DNAH6: variants seen among roughly 807,000 people sequenced by gnomAD.
DNAH6 encodes axonemal beta dynein heavy chain 6.
DNAH6 carries 340 observed loss-of-function variants against 491.4 expected under a neutral mutation model. That is an observed-to-expected ratio of 0.69 (90% CI 0.63 to 0.76). The LOEUF (loss-of-function observed/expected upper bound fraction) is 0.76, where lower values mean the gene tolerates loss of function less well. Ranked by LOEUF, DNAH6 falls within the 30% of genes least tolerant of loss-of-function variation. DNAH6 has a pLI of 0.00. For synonymous variants in DNAH6, 1,603 were observed against 1,686.1 expected, an observed-to-expected ratio of 0.95 and a Z score of 1.21; for missense variants, 4,443 against 4,972.2, an observed-to-expected ratio of 0.89 and a Z score of 3.20.
chr2:84,792,424 G>A (rs1017528809), intron 68 of DNAH6, among the ~76,000 whole-genome samples: 8 of 152,154 alleles, frequency 5.3e-5, no homozygotes, highest in Non-Finnish European at 1.2e-4. Flanking sequence ...AGAAATTGTC[G>A]GAGGTCATGG....
At chr2:84,700,964 A>C (rs1322836962) in intron 48 of DNAH6, 133 bp from the exon 49 acceptor site, 4 of 1,020,156 alleles carry the variant, frequency 3.9e-6, no homozygotes, top group Non-Finnish European at 5.6e-6. Context: ...CACCATAGAC[A>C]TGAGTAGGAG....
At chr2:84,546,701 G>A (rs1470112015) in intron 5 of DNAH6, among the ~76,000 whole-genome samples, 1 of 152,140 alleles carries the variant, frequency 6.6e-6, no homozygotes, top group Non-Finnish European at 1.5e-5. Flanking sequence ...GCTGCTATGA[G>A]CATGCATGTA....
intron 14 of DNAH6, among the ~76,000 whole-genome samples, chr2:84,583,004 A>G (rs1362438741): frequency 6.6e-6 from 1 of 152,220 alleles, no homozygotes; most frequent in African/African-American, 2.4e-5. Flanking sequence ...GCCAAGTAGT[A>G]CGAACATGGC....
upstream of DNAH6, among the ~76,000 whole-genome samples, chr2:84,511,506 AC>A (rs1675328582): frequency 1.3e-5 from 2 of 150,562 alleles, no homozygotes; most frequent in South Asian, 4.2e-4. Context: ...GAATTCCCTG[AC>A]CCCTTGTGCT....
At chr2:84,787,415 T>G in intron 68 of DNAH6, 113 bp downstream of exon 68, 1 of 756,390 alleles carries the variant, frequency 1.3e-6, no homozygotes, top group East Asian at 3.1e-5. Context: ...ATGGTGGTGA[T>G]GATGATATTT....
intron 18 of DNAH6, 84 bp downstream of exon 18, chr2:84,595,873 C>A: frequency 7.5e-7 from 1 of 1,336,706 alleles, no homozygotes; most frequent in Non-Finnish European, 9.8e-7. Flanking sequence ...AGGAATTTTT[C>A]CCTGATTAAG....
chr2:84,776,946 G>T (rs1409740300), intron 64 of DNAH6, among the ~76,000 whole-genome samples: 2 of 152,170 alleles, frequency 1.3e-5, no homozygotes, highest in Admixed American at 1.3e-4. Flanking sequence ...CCTTTGTAGG[G>T]ACATGGATGA....
At chr2:84,549,590 CTAGA>C (rs1558696300) in intron 8 of DNAH6, among the ~76,000 whole-genome samples, 1 of 152,142 alleles carries the variant, frequency 6.6e-6, no homozygotes, top group East Asian at 1.9e-4. Context: ...GCCCTTTTAG[CTAGA>C]TAAACTAGAT....
intron 18 of DNAH6, among the ~76,000 whole-genome samples, chr2:84,600,785 T>G (rs2104244667): frequency 6.6e-6 from 1 of 151,976 alleles, no homozygotes; most frequent in African/African-American, 2.4e-5. Context: ...ACTGTACAGT[T>G]ACTACTGCCC....
intron 69 of DNAH6, 48 bp from the exon 70 acceptor site, chr2:84,797,489 A>T: frequency 6.5e-7 from 1 of 1,530,158 alleles, no homozygotes; most frequent in Non-Finnish European, 8.8e-7. Flanking sequence ...TGGCAGTACA[A>T]AGCCAGTCTA....
At chr2:84,617,923 T>A (rs1210273131) in intron 23 of DNAH6, among the ~76,000 whole-genome samples, 2 of 152,196 alleles carry the variant, frequency 1.3e-5, no homozygotes, top group East Asian at 3.9e-4. Flanking sequence ...CCTCTCCAGC[T>A]TTAACACTTT....
At chr2:84,553,966 C>T in intron 10 of DNAH6, among the ~76,000 whole-genome samples, 1 of 152,126 alleles carries the variant, frequency 6.6e-6, no homozygotes, top group East Asian at 1.9e-4. Flanking sequence ...GTCTTGGTCT[C>T]CCTCAGGCTG....
chr2:84,511,974 A>C (rs553016553), upstream of DNAH6, among the ~76,000 whole-genome samples: 5 of 152,324 alleles, frequency 3.3e-5, no homozygotes, highest in Admixed American at 2.6e-4. Context: ...GTATGATTGC[A>C]GAATTTTAAA....
chr2:84,803,986 C>T (rs961313389), intron 70 of DNAH6, among the ~76,000 whole-genome samples: 2 of 152,184 alleles, frequency 1.3e-5, no homozygotes, highest in East Asian at 1.9e-4. Context: ...CCACGTGAGT[C>T]ACTTGAGGCC....
Position 84,722,673 on chromosome 2 carries a change from G to C in DNAH6, c.9841G>C (p.Glu3281Gln), listed in dbSNP as rs887412344. The change falls in exon 60 of 77, where the codon GAG becomes CAG. Residue 3281 changes from glutamate to glutamine, a missense_variant. By Grantham distance (29) the Glu-to-Gln change is conservative. Coordinates refer to ENST00000389394, the MANE Select transcript of DNAH6 (RefSeq NM_001370.2). ...CAGGCTGGAAGAAGCAGAGTCCACT[G>C]AGCAGATGATCAATGTGGCTCGTGA... is the stretch of plus-strand genomic sequence containing the variant. The part of the protein sequence containing the change: ...KTRLEEAEST[E>Q]QMINVAREKY... 5 of 1,550,816 alleles carry C rather than the reference G, an allele frequency of 3.2e-6. No homozygotes were observed. In the African/African-American group the frequency reaches 5.5e-5, roughly 17 times the overall value.
chr2:84,719,162 T>C (rs933577601), intron 59 of DNAH6, among the ~76,000 whole-genome samples: 2 of 152,226 alleles, frequency 1.3e-5, no homozygotes, highest in African/African-American at 4.8e-5. Flanking sequence ...GGTTGACTGC[T>C]TTATATTGTA....
intron 17 of DNAH6, among the ~76,000 whole-genome samples, chr2:84,594,808 T>G (rs901697014): frequency 6.6e-6 from 1 of 152,194 alleles, no homozygotes; most frequent in Non-Finnish European, 1.5e-5. Flanking sequence ...ATGTTCCAGG[T>G]AATGTTCTAG....
the DNAH6 span, among the ~76,000 whole-genome samples, chr2:84,496,744 A>G: frequency 3.3e-5 from 5 of 152,160 alleles, no homozygotes. Flanking sequence ...ACATGTTCTA[A>G]GAAATTCAGT....
intron 33 of DNAH6, among the ~76,000 whole-genome samples, chr2:84,642,288 C>T (rs1248297349): frequency 6.6e-6 from 1 of 152,152 alleles, no homozygotes; most frequent in Non-Finnish European, 1.5e-5. Context: ...ATGTGCTGTA[C>T]AACTTAGCAT....
Sources: allele counts gnomAD v4.1 joint callset (sites outside exome capture counted in the v4.1 genomes callset), GRCh38; gene constraint gnomAD v4.1.1; transcripts MANE v1.5; gene names NCBI Gene and HGNC (gene_info 2026-07-23, HGNC 2026-07-21).